Variants in C7orf78 observed in about 807,000 individuals in gnomAD.
C7orf78 encodes the protein putative uncharacterized protein C7orf78.
chr7:12,520,026 A>T, the C7orf78 span, among the ~76,000 whole-genome samples: 2 of 152,232 alleles, frequency 1.3e-5, no homozygotes, highest in Admixed American at 6.5e-5. Context: ...CTTAGGGTTA[A>T]TGTGGGTACA....
At chr7:12,520,416 T>C in the C7orf78 span, among the ~76,000 whole-genome samples, 1 of 152,192 alleles carries the variant, frequency 6.6e-6, no homozygotes, top group Non-Finnish European at 1.5e-5. Flanking sequence ...CTGTATCCCA[T>C]AGGTTTTGGT....
chr7:12,533,902 C>A, the C7orf78 span, among the ~76,000 whole-genome samples: 1 of 152,298 alleles, frequency 6.6e-6, no homozygotes, highest in South Asian at 2.1e-4. Flanking sequence ...TCAGTCAGAA[C>A]TTCAACTTTC....
At chr7:12,508,152 T>C in the C7orf78 span, among the ~76,000 whole-genome samples, 1 of 152,208 alleles carries the variant, frequency 6.6e-6, no homozygotes, top group Admixed American at 6.5e-5. Context: ...TGTTAATTTT[T>C]GAGGGTCATT....
At chr7:12,525,851 C>G in the C7orf78 span, 5 of 396,814 alleles carry the variant, frequency 1.3e-5, no homozygotes, top group African/African-American at 1.0e-4. Context: ...TTTGAGACAA[C>G]TTATGAAAAG....
the C7orf78 span, among the ~76,000 whole-genome samples, chr7:12,531,257 C>T: frequency 6.6e-6 from 1 of 152,072 alleles, no homozygotes; most frequent in Non-Finnish European, 1.5e-5. Context: ...TTAAGTGGAG[C>T]CTGAAAGAAT....
the C7orf78 span, among the ~76,000 whole-genome samples, chr7:12,498,267 C>A: frequency 1.3e-5 from 2 of 151,948 alleles, no homozygotes; most frequent in Non-Finnish European, 2.9e-5. Flanking sequence ...AAGAAGGCTT[C>A]GGACGATCAA....
chr7:12,528,853 C>T, the C7orf78 span: 1 of 397,902 alleles, frequency 2.5e-6, no homozygotes, highest in Non-Finnish European at 4.4e-6. Context: ...ACATCATGAA[C>T]AAAGACACGT....
chr7:12,514,497 C>G, the C7orf78 span, among the ~76,000 whole-genome samples: 1 of 151,944 alleles, frequency 6.6e-6, no homozygotes, highest in African/African-American at 2.4e-5. Flanking sequence ...TCTGTTCAGC[C>G]AGTGTAAATC....
the C7orf78 span, among the ~76,000 whole-genome samples, chr7:12,505,234 A>T: frequency 6.6e-6 from 1 of 152,118 alleles, no homozygotes; most frequent in African/African-American, 2.4e-5. Context: ...TGGCAAACAT[A>T]ATTATTATGA....
the C7orf78 span, among the ~76,000 whole-genome samples, chr7:12,512,045 G>T: frequency 1.3e-5 from 2 of 150,006 alleles, no homozygotes; most frequent in African/African-American, 4.9e-5. Flanking sequence ...AAAGTGCTGG[G>T]ATTACAGGCG....
chr7:12,540,514 A>G, the C7orf78 span, among the ~76,000 whole-genome samples: 2,531 of 152,232 alleles, frequency 0.017, 71 homozygotes, highest in African/African-American at 0.058. Flanking sequence ...AATTATTATT[A>G]TTGTTGTTAT....
the C7orf78 span, chr7:12,541,078 C>G: frequency 6.6e-6 from 1 of 152,112 alleles, no homozygotes; most frequent in Non-Finnish European, 1.5e-5. Flanking sequence ...GCTAAAACAA[C>G]AAATGAAAGT....
chr7:12,525,804 T>G, the C7orf78 span: 1 of 396,866 alleles, frequency 2.5e-6, no homozygotes, highest in Non-Finnish European at 4.4e-6. Context: ...TTGCAATCTT[T>G]CCTTTACATA....
chr7:12,496,817 T>C, the C7orf78 span, among the ~76,000 whole-genome samples: 3 of 151,934 alleles, frequency 2.0e-5, no homozygotes, highest in Non-Finnish European at 4.4e-5. Context: ...ATAAATCAGA[T>C]AGCATAAAGA....
the C7orf78 span, among the ~76,000 whole-genome samples, chr7:12,503,988 G>A: frequency 2.0e-5 from 3 of 152,250 alleles, no homozygotes; most frequent in East Asian, 5.8e-4. Flanking sequence ...AGATCTGTAG[G>A]TTGAGCCGTA....
At chr7:12,502,500 C>T in the C7orf78 span, among the ~76,000 whole-genome samples, 3 of 150,924 alleles carry the variant, frequency 2.0e-5, no homozygotes, top group Non-Finnish European at 4.5e-5. Context: ...CGTCACTGGC[C>T]ATCAGAGAAA....
the C7orf78 span, among the ~76,000 whole-genome samples, chr7:12,520,466 A>T: frequency 6.6e-5 from 10 of 152,142 alleles, no homozygotes; most frequent in Non-Finnish European, 1.2e-4. Flanking sequence ...ATAAATTTTT[A>T]AATTTTTTCT....
chr7:12,500,776 A>G, the C7orf78 span, among the ~76,000 whole-genome samples: 1 of 150,292 alleles, frequency 6.7e-6, no homozygotes, highest in Non-Finnish European at 1.5e-5. Flanking sequence ...AGACACAACC[A>G]AAAAAGAGAA....
the C7orf78 span, among the ~76,000 whole-genome samples, chr7:12,528,040 T>C: frequency 6.7e-6 from 1 of 149,446 alleles, no homozygotes; most frequent in Non-Finnish European, 1.5e-5. Flanking sequence ...AAATGGAACA[T>C]GTCAGCTTTC....
Sources: gnomAD v4.1 joint callset for allele counts (sites outside exome capture counted in the v4.1 genomes callset) on GRCh38, gnomAD v4.1.1 for gene constraint, MANE v1.5 for transcripts, NCBI Gene and HGNC (gene_info 2026-07-23, HGNC 2026-07-21) for gene names.